The following FRY variants were observed in gnomAD, a reference collection of about 807,000 sequenced individuals.
FRY encodes protein furry homolog.
FRY carries 128 observed loss-of-function variants against 348.4 expected under a neutral mutation model. The ratio of observed to expected loss-of-function variants is 0.37; its 90% CI spans 0.32 to 0.43. FRY has a LOEUF of 0.43. FRY is among the 20% of genes least tolerant of loss of function. The probability of loss-of-function intolerance (pLI) is 1.00; values close to 1 mark genes in which losing one functional copy is unlikely to be tolerated. For missense variants in FRY, 2,736 were observed against 3,695.2 expected, an observed-to-expected ratio of 0.74 and a Z score of 6.73; for synonymous variants, 1,370 against 1,374.7, an observed-to-expected ratio of 1.00 and a Z score of 0.08.
intron 40 of FRY, 56 bp from the exon 41 acceptor site, chr13:32,231,123 T>C: frequency 6.4e-7 from 1 of 1,563,848 alleles, no homozygotes; most frequent in Non-Finnish European, 8.8e-7. Flanking sequence ...GTATGTGTAG[T>C]TTTAAAAATG....
chr13:32,218,974 CATAG>C (rs1885160404), intron 36 of FRY, 143 bp downstream of exon 36: 3 of 629,958 alleles, frequency 4.8e-6, no homozygotes, highest in Non-Finnish European at 5.7e-6. Context: ...TGCAGATGAG[CATAG>C]AGTCAGCATC....
chr13:32,067,602 C>T (rs1335397186), intron 1 of FRY, among the ~76,000 whole-genome samples: 3 of 152,184 alleles, frequency 2.0e-5, no homozygotes, highest in African/African-American at 7.2e-5. Flanking sequence ...GTTTGAACTG[C>T]AGAGATTTTG....
intron 8 of FRY, among the ~76,000 whole-genome samples, chr13:32,134,129 A>G (rs1879552738): frequency 6.6e-6 from 1 of 152,192 alleles, no homozygotes; most frequent in South Asian, 2.1e-4. Flanking sequence ...ACAATAAGTT[A>G]CTACCAATAA....
intron 15 of FRY, 75 bp from the exon 16 acceptor site, chr13:32,157,198 T>C: frequency 7.1e-7 from 1 of 1,414,466 alleles, no homozygotes; most frequent in East Asian, 2.3e-5. Flanking sequence ...GTAAAAAATA[T>C]TATAGAGGAT....
rs375324577 is a variant in FRY, at chr13:32,218,846, G to A, written c.4765+15G>A. 8 of 1,470,990 alleles carry A rather than the reference G, an allele frequency of 5.4e-6. No homozygotes were observed. The African/African-American group carries it at 1.1e-4, about 20-fold the overall frequency. 91.1% of individuals were successfully genotyped at this position (1,470,990 alleles called of 1,614,324 possible). ...TGAAGATAAAAGTAAGTACCAACAG[G>A]CTGTGGGCTTTCAGACGGAACGCAA... is the stretch of plus-strand genomic sequence containing the variant. On this transcript the variant is annotated intron_variant, in intron 36 of 60. Transcript: ENST00000542859.
chr13:32,245,361 T>A (rs1886737653), intron 47 of FRY, among the ~76,000 whole-genome samples: 1 of 151,804 alleles, frequency 6.6e-6, no homozygotes, highest in African/African-American at 2.4e-5. Context: ...TCCCAGCACT[T>A]TGGGAGGCTG....
chr13:32,189,318 G>A (rs1410351723), intron 28 of FRY, among the ~76,000 whole-genome samples: 1 of 151,994 alleles, frequency 6.6e-6, no homozygotes, highest in East Asian at 1.9e-4. Context: ...GTTAGCACAA[G>A]TTTATTTTGG....
At chr13:32,048,544 G>A (rs1165742393) in intron 1 of FRY, among the ~76,000 whole-genome samples, 2 of 152,170 alleles carry the variant, frequency 1.3e-5, no homozygotes, top group East Asian at 3.8e-4. Flanking sequence ...ATTCAGCACT[G>A]TCAAGGATTG....
intron 29 of FRY, among the ~76,000 whole-genome samples, chr13:32,201,194 C>G (rs934119623): frequency 2.6e-5 from 4 of 152,174 alleles, no homozygotes; most frequent in African/African-American, 9.7e-5. Context: ...CTGTTTCATT[C>G]TTGTAATCTT....
Position 32,235,939 on chromosome 13 carries a change from C to A in FRY, c.5716-139C>A, listed in dbSNP as rs545521716. ...TAAGCCATCTGAATTTCCTAAGTGG[C>A]CCTTAAAGCTTATTTTAGACTTCAT... On this transcript the variant is annotated intron_variant, in intron 42 of 60. Transcript: ENST00000542859. 13 of 717,188 alleles carry A rather than the reference C, an allele frequency of 1.8e-5. No homozygotes were observed. In the East Asian group the frequency reaches 3.3e-4, roughly 18 times the overall value. 44.4% of individuals were successfully genotyped at this position (717,188 alleles called of 1,614,324 possible).
chr13:32,294,290 A>T, intron 59 of FRY, 78 bp from the exon 60 acceptor site: 3 of 966,514 alleles, frequency 3.1e-6, no homozygotes, highest in Non-Finnish European at 4.9e-6. Context: ...CACCCATAAG[A>T]TCCTTTTTTT....
intron 55 of FRY, among the ~76,000 whole-genome samples, chr13:32,269,599 G>A (rs1888107156): frequency 6.6e-6 from 1 of 152,004 alleles, no homozygotes; most frequent in South Asian, 2.1e-4. Flanking sequence ...GGCTGAGGCA[G>A]GAGAATCACT....
At chr13:32,182,244 G>T (rs1369627168) in intron 23 of FRY, among the ~76,000 whole-genome samples, 5 of 152,146 alleles carry the variant, frequency 3.3e-5, no homozygotes, top group South Asian at 2.1e-4. Flanking sequence ...TTGAAGAAGA[G>T]AACTAATTAG....
chr13:32,218,693 A>T (rs1885139932), intron 35 of FRY, 56 bp from the exon 36 acceptor site: 3 of 989,348 alleles, frequency 3.0e-6, no homozygotes, highest in African/African-American at 1.6e-5. Flanking sequence ...AAAAAAAAAA[A>T]AAAGCGCATA....
chr13:32,064,312 T>C (rs1874114228), intron 1 of FRY, among the ~76,000 whole-genome samples: 2 of 152,048 alleles, frequency 1.3e-5, no homozygotes, highest in Admixed American at 1.3e-4. Flanking sequence ...CTTTGAAGGT[T>C]TCCCTGACTG....
chr13:32,160,557 G>A (rs1881380841), intron 16 of FRY, among the ~76,000 whole-genome samples: 1 of 152,122 alleles, frequency 6.6e-6, no homozygotes, highest in African/African-American at 2.4e-5. Context: ...AATAGAGAAG[G>A]AAATCTCCAT....
Position 32,266,199 on chromosome 13 carries a change from A to T in FRY, c.7946+583A>T, listed in dbSNP as rs149472265. Among the ~76,000 whole-genome samples, 360 of 152,370 alleles carry T rather than the reference A, an allele frequency of 2.4e-3. 1 individual carries two copies. Among genetic ancestry groups the T allele is most frequent in the South Asian group, 4.6e-3 (22 of 4,830 alleles). On this transcript the variant is annotated intron_variant, in intron 54 of 60. Coordinates refer to ENST00000542859, the MANE Select transcript of FRY (RefSeq NM_023037.3). ...TGAGATCCTAAAATTACTCTTCTGA[A>T]AGTTGAAAATAAGAACTAAGTAAAA...
intron 58 of FRY, among the ~76,000 whole-genome samples, chr13:32,279,356 G>C (rs373863655): frequency 6.6e-6 from 1 of 152,216 alleles, no homozygotes; most frequent in Admixed American, 6.5e-5. Flanking sequence ...CGGAGGCAGG[G>C]GAACCAGGCC....
At chr13:32,125,722 G>A (rs1370520479) in intron 7 of FRY, among the ~76,000 whole-genome samples, 4 of 152,064 alleles carry the variant, frequency 2.6e-5, no homozygotes, top group Admixed American at 2.6e-4. Context: ...ATCTTACCTG[G>A]CCAAAACATA....
Sources: gnomAD v4.1 joint callset for allele counts (sites outside exome capture counted in the v4.1 genomes callset) on GRCh38, gnomAD v4.1.1 for gene constraint, MANE v1.5 for transcripts, NCBI Gene and HGNC (gene_info 2026-07-23, HGNC 2026-07-21) for gene names.